The following PSME4 variants were observed in gnomAD, a reference collection of about 807,000 sequenced individuals.
PSME4 encodes the protein proteasome activator subunit 4, also known as proteasome activator complex subunit 4.
Under a neutral mutation model 253.9 loss-of-function variants are expected in PSME4, and 89 were observed. The observed-to-expected ratio is 0.35, with a 90% confidence interval of 0.30 to 0.42. The LOEUF is 0.42. Ranked by LOEUF, PSME4 falls within the 10% of genes least tolerant of loss-of-function variation. The probability of loss-of-function intolerance (pLI) is 1.00; values close to 1 mark genes in which losing one functional copy is unlikely to be tolerated. For missense variants in PSME4, 2,014 were observed against 2,195.2 expected (o/e 0.92, Z 1.65); for synonymous variants, 851 against 759.2 (o/e 1.12, Z -1.99).
chr2:53,931,666 A>G (rs751959231), intron 10 of PSME4, among the ~76,000 whole-genome samples, 169 bp downstream of exon 10: 25 of 152,172 alleles, frequency 1.6e-4, no homozygotes, highest in Admixed American at 2.6e-4. Flanking sequence ...CTCTCCAATA[A>G]ACCTTTATCA....
intron 21 of PSME4, 139 bp downstream of exon 21, chr2:53,909,936 C>A: frequency 1.2e-6 from 1 of 806,402 alleles, no homozygotes; most frequent in South Asian, 1.4e-5. Context: ...CGTCACCACA[C>A]TCCAGCCTGG....
intron 20 of PSME4, among the ~76,000 whole-genome samples, chr2:53,918,476 G>A (rs191275236): frequency 6.6e-6 from 1 of 152,052 alleles, no homozygotes; most frequent in African/African-American, 2.4e-5. Context: ...ACCTCAGCTG[G>A]GACTACAGGT....
At chr2:53,954,741 T>C (rs1421124568) in intron 1 of PSME4, among the ~76,000 whole-genome samples, 1 of 151,760 alleles carries the variant, frequency 6.6e-6, no homozygotes, top group African/African-American at 2.4e-5. Flanking sequence ...CTTGGGAGGC[T>C]GAGGCAGAAG....
Position 53,925,648 on chromosome 2 carries a change from C to T in PSME4, c.1700G>A (p.Arg567Lys). Residue 567 changes from arginine to lysine, a missense_variant, in exon 14 of 47, where the codon AGA becomes AAA. Physicochemically the swap from Arg to Lys is conservative, Grantham distance 26 (BLOSUM62 2). This residue lies in a region of PSME4 where 989 missense variants were observed against 1,021.1 expected (regional missense o/e 0.97). Coordinates refer to ENST00000404125, the MANE Select transcript of PSME4 (RefSeq NM_014614.3). Reference protein sequence around the residue: ...LIESSTLEQTREETETEKMTH... With the variant: ...LIESSTLEQTKEETETEKMTH... ...CATTTTCTCAGTTTCTGTCTCTTCT[C>T]TTGTTTGCTCCAATGTGCTACTTTC... The T allele has an allele frequency of 6.2e-7, 1 of 1,611,104 alleles. No individual in the cohort carries two copies. The highest frequency in any genetic ancestry group is 1.1e-5 in the South Asian group (1 of 90,988).
intron 36 of PSME4, among the ~76,000 whole-genome samples, chr2:53,890,582 T>A (rs1353920576): frequency 6.6e-6 from 1 of 152,192 alleles, no homozygotes; most frequent in South Asian, 2.1e-4. Context: ...GCTGGAATTA[T>A]AGGCATGAGC....
At chr2:53,942,544 T>A (rs1365156154) in intron 3 of PSME4, among the ~76,000 whole-genome samples, 1 of 152,094 alleles carries the variant, frequency 6.6e-6, no homozygotes, top group Non-Finnish European at 1.5e-5. Context: ...GAGTATCAGT[T>A]CTGCTACTTC....
chr2:53,939,382 CAA>C (rs750454590), intron 4 of PSME4, among the ~76,000 whole-genome samples: 2 of 151,838 alleles, frequency 1.3e-5, no homozygotes, highest in South Asian at 4.2e-4. Context: ...TAAAGATAAC[CAA>C]AAAAATTAAA....
intron 5 of PSME4, 47 bp downstream of exon 5, chr2:53,937,344 A>C: frequency 2.7e-6 from 4 of 1,456,746 alleles, no homozygotes; most frequent in Non-Finnish European, 3.7e-6. Flanking sequence ...CTTTATCTGT[A>C]TTTCCTACCG....
rs778679207 is a variant in PSME4 at position 53,937,445 on chromosome 2, A to G, written c.641T>C (p.Phe214Ser). Residue 214 changes from phenylalanine (F) to serine (S), a missense_variant, in exon 5 of 47, where the codon TTT becomes TCT. Physicochemically the swap from Phe to Ser is radical, Grantham distance 155 (BLOSUM62 -2). This residue lies in a region of PSME4 where 615 missense variants were observed against 594.4 expected (regional missense o/e 1.03). Transcript: ENST00000404125. ...AAGGGAGGTAGGAAGAAATATTTCA[A>G]AATAAGTGATGGCCTTTTGCATGGT... ...DVTMQKAITY[F>S]EIFLPTSLPP... 1.2e-5 allele frequency: 20 copies of G among 1,610,702 alleles called. No individual in the cohort carries two copies. The highest frequency in any genetic ancestry group is 1.7e-5 in the Non-Finnish European group (20 of 1,177,754).
At position 53,893,797 on chromosome 2, in the gene PSME4, T is replaced by C; in HGVS notation, c.3915A>G (p.Ala1305=). ...AAAAATGATCAAATATAATCTGTTC[T>C]GCCTATAAAGTTAAAAAAAGAACAA... is the stretch of plus-strand genomic sequence containing the variant. ...LGRSREDMTE[A]EQIIFDHFSD... The change falls in exon 35 of 47, where the codon GCA becomes GCG. Residue 1305 remains alanine, a splice_region_variant and synonymous_variant. Transcript: ENST00000404125. 1 of 1,597,714 alleles carries C rather than the reference T, an allele frequency of 6.3e-7. No homozygotes were observed. The highest frequency in any genetic ancestry group is 8.5e-7 in the Non-Finnish European group (1 of 1,174,468).
chr2:53,906,975 T>C, intron 24 of PSME4, 107 bp from the exon 25 acceptor site: 1 of 856,046 alleles, frequency 1.2e-6, no homozygotes, highest in Non-Finnish European at 1.9e-6. Flanking sequence ...CCTGGTTGAC[T>C]GGTGAGTGGT....
At chr2:53,966,524 C>T (rs1670744053) in intron 1 of PSME4, among the ~76,000 whole-genome samples, 2 of 150,768 alleles carry the variant, frequency 1.3e-5, no homozygotes, top group South Asian at 2.1e-4. Context: ...ATTAGCCAGG[C>T]GTCGTGGCAC....
chr2:53,923,634 A>T (rs1668423798), intron 14 of PSME4, among the ~76,000 whole-genome samples: 1 of 152,178 alleles, frequency 6.6e-6, no homozygotes, highest in Admixed American at 6.5e-5. Flanking sequence ...AAAATATTTT[A>T]GGTACTGGCT....
At chr2:53,888,071 T>C (rs1321995467) in intron 38 of PSME4, 82 bp from the exon 39 acceptor site, 1 of 1,372,680 alleles carries the variant, frequency 7.3e-7, no homozygotes, top group African/African-American at 1.5e-5. Flanking sequence ...AATATCTGTA[T>C]TTCACTTAAA....
chr2:53,895,463 C>T (rs1036269233), intron 33 of PSME4, 120 bp downstream of exon 33: 1 of 998,772 alleles, frequency 1.0e-6, no homozygotes, highest in African/African-American at 1.6e-5. Context: ...AAAGAGAGGA[C>T]TAGGGAAGGG....
At chr2:53,968,951 G>A (rs1200690143) in intron 1 of PSME4, among the ~76,000 whole-genome samples, 2 of 152,014 alleles carry the variant, frequency 1.3e-5, no homozygotes, top group Non-Finnish European at 2.9e-5. Flanking sequence ...TTCACACCAT[G>A]GCATATTTAT....
intron 20 of PSME4, among the ~76,000 whole-genome samples, chr2:53,913,841 G>T (rs973825394): frequency 2.0e-5 from 3 of 152,182 alleles, no homozygotes; most frequent in Non-Finnish European, 2.9e-5. Context: ...CAGTCAGAAG[G>T]TGAAATAAGG....
In PSME4 at chr2:53,919,264, A is replaced by G. The variant is rs1668195242; in HGVS notation, c.2421-18T>C. The G allele has an allele frequency of 6.4e-7, 1 of 1,554,622 alleles. No individual in the cohort carries two copies. Among genetic ancestry groups the G allele is most frequent in the Non-Finnish European group, 8.6e-7 (1 of 1,157,782 alleles). ...TATCATCTCTAGAAAAAAAAAAAAG[A>G]CATTTTCATATTTCCAAATCCCTAT... On this transcript the variant is annotated intron_variant, in intron 19 of 46. Coordinates refer to ENST00000404125, the MANE Select transcript of PSME4 (RefSeq NM_014614.3).
rs1204159894 is a variant in PSME4 at position 53,970,811 on chromosome 2, C to G, written c.-27G>C. 1 of 1,472,820 alleles carries G rather than the reference C, an allele frequency of 6.8e-7. No homozygotes were observed. Among genetic ancestry groups the G allele is most frequent in the Non-Finnish European group, 9.0e-7 (1 of 1,111,302 alleles). The allele number at this position is 1,472,820 out of a possible 1,614,324, so 91.2% of individuals were successfully genotyped here. ...AGCCCAGGGACACCCCCCCCACCCC[C>G]TCCCACCCGAACCCTCCCCGGCCCC... On this transcript the variant is annotated 5_prime_UTR_variant, in exon 1 of 47. Transcript: ENST00000404125.
Sources: gnomAD v4.1 joint callset for allele counts (sites outside exome capture counted in the v4.1 genomes callset) on GRCh38, gnomAD v4.1.1 for gene constraint, gnomAD v4.1.1 regional missense constraint, MANE v1.5 for transcripts, NCBI Gene and HGNC (gene_info 2026-07-23, HGNC 2026-07-21) for gene names.